Variants in SLCO3A1 observed in about 807,000 individuals in gnomAD.
The protein encoded by SLCO3A1 is solute carrier organic anion transporter family member 3A1.
In SLCO3A1, 27 loss-of-function variants were observed where a neutral mutation model predicts 63.1. That is an observed-to-expected ratio of 0.43 (90% CI 0.32 to 0.59). SLCO3A1 has a LOEUF of 0.59. Ranked by LOEUF, SLCO3A1 falls within the 20% of genes least tolerant of loss-of-function variation. The pLI, the probability that SLCO3A1 is intolerant of heterozygous loss-of-function variation, is 0.09. For synonymous variants in SLCO3A1, 473 were observed against 409.9 expected, an observed-to-expected ratio of 1.15 and a Z score of -1.86; for missense variants, 773 against 945.8, an observed-to-expected ratio of 0.82 and a Z score of 2.40.
intron 3 of SLCO3A1, among the ~76,000 whole-genome samples, chr15:92,102,594 C>T (rs2047619192): frequency 6.6e-6 from 1 of 152,080 alleles, no homozygotes; most frequent in African/African-American, 2.4e-5. Flanking sequence ...CCAAGTACTC[C>T]AGGCTTACAC....
intron 2 of SLCO3A1, among the ~76,000 whole-genome samples, chr15:92,094,328 T>G (rs1230643647): frequency 6.6e-6 from 1 of 152,186 alleles, no homozygotes; most frequent in Non-Finnish European, 1.5e-5. Flanking sequence ...TTAATAAATG[T>G]GTAATTAAAT....
chr15:92,116,327 T>C (rs920163367), intron 4 of SLCO3A1, among the ~76,000 whole-genome samples: 1 of 152,230 alleles, frequency 6.6e-6, no homozygotes, highest in African/African-American at 2.4e-5. Flanking sequence ...CAGGAATCTC[T>C]TAAAGACTAG....
rs1897616303 is a variant in SLCO3A1 at position 91,882,548 on chromosome 15, T to C, written c.180+28460T>C. Among the ~76,000 whole-genome samples, 1 of 141,690 alleles carries C rather than the reference T, an allele frequency of 7.1e-6. No individual in the cohort carries two copies. The highest frequency in any genetic ancestry group is 1.5e-5 in the Non-Finnish European group (1 of 65,136). The allele number at this position is 141,690 out of a possible 152,430, so 93.0% of individuals were successfully genotyped here. On this transcript the variant is annotated intron_variant, in intron 1 of 9. Transcript: ENST00000318445. The surrounding 1 kb of genome is among the most constrained non-coding windows in gnomAD (Gnocchi z 4.4). The stretch of plus-strand genomic sequence containing the variant: ...TTTTTTCCTTGAGATGGAGTTTCAC[T>C]CTGTCGCCCAGGCCCGAGTGCAGTG...
intron 2 of SLCO3A1, among the ~76,000 whole-genome samples, chr15:91,975,946 A>G (rs189393863): frequency 3.9e-5 from 6 of 152,366 alleles, no homozygotes; most frequent in Non-Finnish European, 5.9e-5. Flanking sequence ...TTTGTTGTCT[A>G]TAACCCCTGG....
chr15:91,902,272 C>A (rs1487795124), intron 1 of SLCO3A1, among the ~76,000 whole-genome samples: 1 of 152,096 alleles, frequency 6.6e-6, no homozygotes, highest in African/African-American at 2.4e-5. Context: ...TCATAGTTCA[C>A]TGAAACCTCA....
At chr15:92,013,169 TTCTAGACTTG>T (rs1310369971) in intron 2 of SLCO3A1, among the ~76,000 whole-genome samples, 1 of 152,246 alleles carries the variant, frequency 6.6e-6, no homozygotes, top group Admixed American at 6.5e-5. Flanking sequence ...AGAGCCATCT[TTCTAGACTTG>T]TCAAAGGGCA....
At chr15:91,994,983 C>T (rs115103719) in intron 2 of SLCO3A1, among the ~76,000 whole-genome samples, 1 of 152,308 alleles carries the variant, frequency 6.6e-6, no homozygotes, top group African/African-American at 2.4e-5. Context: ...CTCATTCCCA[C>T]GTAGGAAAAA....
chr15:92,036,679 A>G (rs1357963235), intron 2 of SLCO3A1, among the ~76,000 whole-genome samples: 1 of 152,110 alleles, frequency 6.6e-6, no homozygotes, highest in African/African-American at 2.4e-5. Context: ...CTGCAGATTC[A>G]TCCATTTCAA....
At position 92,079,955 on chromosome 15, in the gene SLCO3A1, G is replaced by T. The variant is rs547161512; in HGVS notation, c.647-14926G>T. Reference sequence around the variant, plus strand: ...ACCCCACTGGGCTCACACACAGAATGCGGGCCCTTCAGGAAGGCACAAGCT... The same window carrying T: ...ACCCCACTGGGCTCACACACAGAATTCGGGCCCTTCAGGAAGGCACAAGCT... On this transcript the variant is annotated intron_variant, in intron 2 of 9. Coordinates refer to ENST00000318445, the MANE Select transcript of SLCO3A1 (RefSeq NM_013272.4). Among the ~76,000 whole-genome samples the T allele has an allele frequency of 4.6e-5, 7 of 152,384 alleles. No homozygotes were observed. In the East Asian group the frequency reaches 1.4e-3, roughly 29 times the overall value.
chr15:91,871,896 A>G (rs1897291451), intron 1 of SLCO3A1, among the ~76,000 whole-genome samples: 1 of 151,132 alleles, frequency 6.6e-6, no homozygotes, highest in Non-Finnish European at 1.5e-5. Context: ...AATGTCTAGC[A>G]ACATTTGAAA....
intron 2 of SLCO3A1, among the ~76,000 whole-genome samples, chr15:91,964,242 T>C (rs1460586524): frequency 6.6e-6 from 1 of 152,200 alleles, no homozygotes; most frequent in Non-Finnish European, 1.5e-5. Flanking sequence ...TCACAAGACT[T>C]CTGTGTGATT....
intron 4 of SLCO3A1, among the ~76,000 whole-genome samples, chr15:92,113,287 G>A (rs916534679): frequency 2.6e-5 from 4 of 152,014 alleles, no homozygotes; most frequent in African/African-American, 7.2e-5. Flanking sequence ...CACTTGCTTC[G>A]TGCTTTAAAC....
intron 2 of SLCO3A1, among the ~76,000 whole-genome samples, chr15:92,050,552 G>T (rs186332137): frequency 6.6e-6 from 1 of 152,026 alleles, no homozygotes; most frequent in Non-Finnish European, 1.5e-5. Context: ...CACATCTTAC[G>T]TGTCAGTAAA....
At chr15:92,010,146 C>G (rs1437633845) in intron 2 of SLCO3A1, among the ~76,000 whole-genome samples, 2 of 152,212 alleles carry the variant, frequency 1.3e-5, no homozygotes, top group Non-Finnish European at 2.9e-5. Context: ...CTGCAACACT[C>G]AGCACAGGAC....
chr15:92,069,690 T>C (rs1567101968), intron 2 of SLCO3A1, among the ~76,000 whole-genome samples: 3 of 152,260 alleles, frequency 2.0e-5, no homozygotes, highest in Admixed American at 2.0e-4. Context: ...ACCTTCAGCA[T>C]TGAGTATTCC....
chr15:91,958,785 A>G (rs1900330778), intron 2 of SLCO3A1, among the ~76,000 whole-genome samples: 2 of 152,206 alleles, frequency 1.3e-5, no homozygotes, highest in Admixed American at 6.5e-5. Flanking sequence ...GTTGGCTTGG[A>G]TGTGGTGAAA....
At chr15:91,931,716 C>A (rs147249164) in intron 2 of SLCO3A1, among the ~76,000 whole-genome samples, 1 of 151,882 alleles carries the variant, frequency 6.6e-6, no homozygotes, top group Non-Finnish European at 1.5e-5. Context: ...GGTGATCCAC[C>A]TGCCTCAGCC....
intron 2 of SLCO3A1, among the ~76,000 whole-genome samples, chr15:91,965,302 C>T (rs1292305143): frequency 6.6e-6 from 1 of 152,192 alleles, no homozygotes; most frequent in South Asian, 2.1e-4. Flanking sequence ...CCAAAGGAAA[C>T]ATTTATCCCC....
intron 2 of SLCO3A1, among the ~76,000 whole-genome samples, chr15:91,972,956 A>G (rs1900937764): frequency 6.6e-6 from 1 of 152,188 alleles, no homozygotes; most frequent in Admixed American, 6.5e-5. Context: ...CCCCGTCTCT[A>G]CTAAATATAC....
Sources: gnomAD v4.1 joint callset for allele counts (sites outside exome capture counted in the v4.1 genomes callset) on GRCh38, gnomAD v4.1.1 for gene constraint, Gnocchi (gnomAD v3.1) non-coding constraint, MANE v1.5 for transcripts, NCBI Gene and HGNC (gene_info 2026-07-23, HGNC 2026-07-21) for gene names.